The following BLTP1 variants were observed in gnomAD, a reference collection of about 807,000 sequenced individuals.
The protein encoded by BLTP1 is bridge-like lipid transfer protein family member 1.
the BLTP1 span, among the ~76,000 whole-genome samples, chr4:122,231,184 T>C: frequency 6.6e-6 from 1 of 152,072 alleles, no homozygotes; most frequent in East Asian, 1.9e-4. Flanking sequence ...TGGAAGGGAG[T>C]ATGAATGAGT....
At chr4:122,192,289 A>G in the BLTP1 span, 2 of 1,613,732 alleles carry the variant, frequency 1.2e-6, no homozygotes, top group South Asian at 1.1e-5. Flanking sequence ...GAGGATTGCA[A>G]ATTACAAGAC....
At chr4:122,152,663 G>C in the BLTP1 span, 1 of 983,028 alleles carries the variant, frequency 1.0e-6, no homozygotes, top group East Asian at 1.1e-4. Context: ...AACCTGGTCG[G>C]AGTCTGAGAG....
the BLTP1 span, chr4:122,194,559 A>G: frequency 2.1e-6 from 2 of 939,666 alleles, no homozygotes; most frequent in Non-Finnish European, 2.5e-6. Context: ...TTTAAACTAT[A>G]TTGAGAAATC....
the BLTP1 span, chr4:122,249,909 A>G: frequency 3.0e-6 from 3 of 984,860 alleles, no homozygotes; most frequent in South Asian, 9.4e-5. Flanking sequence ...AAAAACAACA[A>G]TATGTTTTTC....
the BLTP1 span, among the ~76,000 whole-genome samples, chr4:122,280,588 G>A: frequency 0.022 from 3,283 of 150,996 alleles, 54 homozygotes; most frequent in Non-Finnish European, 0.036. Context: ...GCTTGAACCC[G>A]GGAGGCAGAG....
At chr4:122,227,341 A>G in the BLTP1 span, 1 of 985,774 alleles carries the variant, frequency 1.0e-6, no homozygotes, top group Non-Finnish European at 1.2e-6. Context: ...TATCTTCACA[A>G]GGGTTGCAAA....
the BLTP1 span, chr4:122,261,155 T>TA: frequency 2.7e-6 from 1 of 370,798 alleles, no homozygotes. Flanking sequence ...CTCTTTTAGT[T>TA]AAAACATTCA....
At chr4:122,211,001 T>C in the BLTP1 span, 1 of 1,611,454 alleles carries the variant, frequency 6.2e-7, no homozygotes, top group Non-Finnish European at 8.5e-7. Context: ...CCCTCAGAAC[T>C]TCCACCTGAT....
the BLTP1 span, chr4:122,221,834 T>G: frequency 1.0e-6 from 1 of 984,076 alleles, no homozygotes; most frequent in African/African-American, 1.7e-5. Context: ...ATGGATGAGT[T>G]CTGAGAAACT....
At chr4:122,239,091 T>A in the BLTP1 span, among the ~76,000 whole-genome samples, 1 of 152,200 alleles carries the variant, frequency 6.6e-6, no homozygotes, top group South Asian at 2.1e-4. Context: ...CCTTAGTAAA[T>A]GGCACTACTA....
At chr4:122,344,264 A>G in the BLTP1 span, 1 of 1,152,846 alleles carries the variant, frequency 8.7e-7, no homozygotes, top group African/African-American at 1.6e-5. Flanking sequence ...TTTTTACCTC[A>G]AGTGATTTTA....
At chr4:122,275,885 G>T in the BLTP1 span, 2 of 1,334,838 alleles carry the variant, frequency 1.5e-6, no homozygotes, top group Non-Finnish European at 9.7e-7. Flanking sequence ...CTTTCCAGAT[G>T]ATTGGTCATA....
At chr4:122,325,816 G>GTT in the BLTP1 span, 8,818 of 773,310 alleles carry the variant, frequency 0.011, 1 homozygote, top group Non-Finnish European at 0.013. Context: ...TTTTTCATGA[G>GTT]TTTTTTTTTT....
the BLTP1 span, among the ~76,000 whole-genome samples, chr4:122,222,302 C>G: frequency 2.6e-5 from 4 of 152,248 alleles, no homozygotes; most frequent in East Asian, 7.7e-4. Flanking sequence ...AGGCTCAAAT[C>G]TGGGTTACCC....
chr4:122,353,338 C>T, the BLTP1 span: 2 of 689,230 alleles, frequency 2.9e-6, no homozygotes, highest in African/African-American at 1.9e-5. The surrounding 1 kb of genome is among the most constrained non-coding windows in gnomAD (Gnocchi z 4.3). Context: ...TGCCATCTTA[C>T]TCCATGTTTC....
the BLTP1 span, chr4:122,288,589 T>A: frequency 6.5e-6 from 1 of 154,916 alleles, no homozygotes; most frequent in Non-Finnish European, 1.4e-5. Flanking sequence ...GAGGTAGAGG[T>A]TAGAGTGAGC....
chr4:122,166,875 A>G, the BLTP1 span, among the ~76,000 whole-genome samples: 1 of 152,090 alleles, frequency 6.6e-6, no homozygotes, highest in Non-Finnish European at 1.5e-5. Context: ...GCTCTCTATC[A>G]TTCATTTTTA....
chr4:122,214,114 T>A, the BLTP1 span: 1 of 653,922 alleles, frequency 1.5e-6, no homozygotes, highest in Non-Finnish European at 1.9e-6. Context: ...GGACTTTTCC[T>A]ACTGTTTCTC....
At chr4:122,271,273 TG>T in the BLTP1 span, 1 of 1,613,890 alleles carries the variant, frequency 6.2e-7, no homozygotes, top group African/African-American at 1.3e-5. Flanking sequence ...CAATGATAGA[TG>T]ACATCAAAGC....
Sources: gnomAD v4.1 joint callset for allele counts (sites outside exome capture counted in the v4.1 genomes callset) on GRCh38, gnomAD v4.1.1 for gene constraint, Gnocchi (gnomAD v3.1) non-coding constraint, MANE v1.5 for transcripts, NCBI Gene and HGNC (gene_info 2026-07-23, HGNC 2026-07-21) for gene names.